HS3ST4: variants seen among roughly 807,000 people sequenced by gnomAD.
HS3ST4 encodes the protein heparan sulfate-glucosamine 3-sulfotransferase 4.
A neutral mutation model predicts 29.2 loss-of-function variants in HS3ST4; 17 were observed. The ratio of observed to expected loss-of-function variants is 0.58; its 90% confidence interval spans 0.40 to 0.87. The LOEUF is 0.87. HS3ST4 is among the 40% of genes least tolerant of loss of function. The pLI is 0.00. For synonymous variants in HS3ST4, 314 were observed against 285.7 expected (o/e 1.10, Z -1.00); for missense variants, 627 against 634.5 (o/e 0.99, Z 0.13).
intron 1 of HS3ST4, among the ~76,000 whole-genome samples, chr16:25,709,784 AG>A (rs1966403901): frequency 6.6e-6 from 1 of 152,174 alleles, no homozygotes; most frequent in Admixed American, 6.5e-5. Flanking sequence ...TCCTGAAAAA[AG>A]TATCTATGGA....
chr16:25,976,323 T>C (rs895215357), intron 1 of HS3ST4, among the ~76,000 whole-genome samples: 1 of 152,214 alleles, frequency 6.6e-6, no homozygotes, highest in African/African-American at 2.4e-5. Context: ...TTTCTTTTTT[T>C]GAGACAGGGT....
chr16:25,983,047 G>A (rs568720850), intron 1 of HS3ST4, among the ~76,000 whole-genome samples: 1 of 152,308 alleles, frequency 6.6e-6, no homozygotes, highest in East Asian at 1.9e-4. Flanking sequence ...CCTGTGGAGG[G>A]AGATATGTGA....
intron 1 of HS3ST4, among the ~76,000 whole-genome samples, chr16:25,723,259 G>C (rs1230407216): frequency 6.6e-6 from 1 of 152,166 alleles, no homozygotes; most frequent in African/African-American, 2.4e-5. Flanking sequence ...TGTAGATTTT[G>C]TTTTTAAAAA....
intron 1 of HS3ST4, among the ~76,000 whole-genome samples, chr16:25,756,221 T>C (rs1488142858): frequency 1.3e-5 from 2 of 151,670 alleles, no homozygotes; most frequent in East Asian, 3.9e-4. Context: ...CTCAAACACA[T>C]GTGAGTCTGT....
chr16:25,934,880 C>T (rs1968503837), intron 1 of HS3ST4, among the ~76,000 whole-genome samples: 1 of 152,178 alleles, frequency 6.6e-6, no homozygotes, highest in Admixed American at 6.5e-5. Context: ...CGCAACCACG[C>T]ATAGCCTCCT....
intron 1 of HS3ST4, among the ~76,000 whole-genome samples, chr16:26,084,834 T>A (rs1247431464): frequency 1.3e-5 from 2 of 152,066 alleles, no homozygotes; most frequent in African/African-American, 4.8e-5. Context: ...GATCTCAAAA[T>A]TCTGACCTCA....
Position 25,790,127 on chromosome 16 carries a change from G to T in HS3ST4, c.734+96976G>T, listed in dbSNP as rs548748477. Among the ~76,000 whole-genome samples, 10 of 152,184 alleles carry T rather than the reference G, an allele frequency of 6.6e-5. No homozygotes were observed. The South Asian group carries it at 1.9e-3, about 28-fold the overall frequency. On this transcript the variant is annotated intron_variant, in intron 1 of 1. Coordinates refer to ENST00000331351, the MANE Select transcript of HS3ST4 (RefSeq NM_006040.3). ...AATGTGTACTTACCTTCAAATTTTG[G>T]CTGGATGCCATGGTTCATGCCTGTA...
At chr16:25,818,075 C>A (rs1395535086) in intron 1 of HS3ST4, among the ~76,000 whole-genome samples, 1 of 152,190 alleles carries the variant, frequency 6.6e-6, no homozygotes, top group Non-Finnish European at 1.5e-5. Flanking sequence ...AATACAGATC[C>A]AGATGGAATA....
At chr16:25,864,896 A>G (rs960400826) in intron 1 of HS3ST4, among the ~76,000 whole-genome samples, 1 of 150,898 alleles carries the variant, frequency 6.6e-6, no homozygotes, top group African/African-American at 2.4e-5. Flanking sequence ...ATATATATAT[A>G]TAGAATATAT....
chr16:26,006,278 G>A (rs1311984055), intron 1 of HS3ST4, among the ~76,000 whole-genome samples: 1 of 106,290 alleles, frequency 9.4e-6, no homozygotes, highest in Non-Finnish European at 1.7e-5. Context: ...CAGCCTAGGT[G>A]ACAAAGTGAG....
At chr16:26,077,967 A>G (rs4238938) in intron 1 of HS3ST4, among the ~76,000 whole-genome samples, 89,754 of 151,956 alleles carry the variant, frequency 0.59, 27,187 homozygotes, top group Middle Eastern at 0.69. Context: ...CCTAGCTCCT[A>G]ATGTGGGAGG....
intron 1 of HS3ST4, among the ~76,000 whole-genome samples, chr16:25,963,196 T>C (rs1030371329): frequency 7.9e-5 from 12 of 152,236 alleles, no homozygotes; most frequent in African/African-American, 2.9e-4. Context: ...AACAGCCTGA[T>C]TCTTGAACAT....
chr16:25,905,387 G>A (rs1011465199), intron 1 of HS3ST4, among the ~76,000 whole-genome samples: 6 of 152,154 alleles, frequency 3.9e-5, no homozygotes, highest in Non-Finnish European at 8.8e-5. Flanking sequence ...AAAAGAGGGG[G>A]TTCTGCATTG....
chr16:25,720,698 A>G (rs939697661), intron 1 of HS3ST4, among the ~76,000 whole-genome samples: 2 of 152,228 alleles, frequency 1.3e-5, no homozygotes, highest in Non-Finnish European at 2.9e-5. Context: ...TGTTTGGAAT[A>G]TATTTGGAAG....
intron 1 of HS3ST4, among the ~76,000 whole-genome samples, chr16:25,855,050 T>C (rs2141651493): frequency 6.6e-6 from 1 of 152,220 alleles, no homozygotes; most frequent in Admixed American, 6.5e-5. Context: ...ATTTGCTCAG[T>C]CTGGGAAGGT....
chr16:25,940,670 C>T (rs904717089), intron 1 of HS3ST4, among the ~76,000 whole-genome samples: 1 of 152,160 alleles, frequency 6.6e-6, no homozygotes, highest in Non-Finnish European at 1.5e-5. Flanking sequence ...GAACTATGCA[C>T]AGATCATAAT....
intron 1 of HS3ST4, among the ~76,000 whole-genome samples, chr16:25,941,498 C>A (rs553057408): frequency 6.6e-6 from 1 of 151,628 alleles, no homozygotes; most frequent in East Asian, 2.0e-4. Flanking sequence ...CCCAGACTTG[C>A]ATTGTTATTT....
intron 1 of HS3ST4, among the ~76,000 whole-genome samples, chr16:25,741,275 G>A (rs1199148696): frequency 1.5e-5 from 2 of 131,092 alleles, no homozygotes; most frequent in Non-Finnish European, 3.2e-5. Flanking sequence ...GTTTTGTTTT[G>A]TTTTTGCATA....
intron 1 of HS3ST4, among the ~76,000 whole-genome samples, chr16:25,820,035 A>T (rs1460525908): frequency 7.0e-6 from 1 of 142,788 alleles, no homozygotes; most frequent in East Asian, 2.0e-4. Flanking sequence ...AAAAAAAAAA[A>T]AAAAAAAAAA....
Sources: allele counts gnomAD v4.1 joint callset (sites outside exome capture counted in the v4.1 genomes callset), GRCh38; gene constraint gnomAD v4.1.1; transcripts MANE v1.5; gene names NCBI Gene and HGNC (gene_info 2026-07-23, HGNC 2026-07-21).